Variants in PEX7 observed in about 807,000 individuals in gnomAD.
PEX7 encodes the protein PTS2 receptor.
Under a neutral mutation model 47.5 loss-of-function variants are expected in PEX7, and 34 were observed. That is an observed-to-expected ratio of 0.72 (90% CI 0.54 to 0.95). The LOEUF (loss-of-function observed/expected upper bound fraction) is 0.95, where lower values mean the gene tolerates loss of function less well. Ranked by LOEUF, PEX7 falls within the 40% of genes least tolerant of loss-of-function variation. The probability of loss-of-function intolerance (pLI) is 0.00; values close to 1 mark genes in which losing one functional copy is unlikely to be tolerated. For synonymous variants in PEX7, 141 were observed against 148.8 expected (o/e 0.95, Z 0.38); for missense variants, 394 against 400.3 (o/e 0.98, Z 0.13).
chr6:136,870,471 G>A (rs902300528), intron 7 of PEX7, among the ~76,000 whole-genome samples: 18 of 152,102 alleles, frequency 1.2e-4, no homozygotes, highest in Non-Finnish European at 2.9e-5. Context: ...GAACAGCAGA[G>A]GATGAGGTAA....
intron 8 of PEX7, among the ~76,000 whole-genome samples, chr6:136,874,014 G>A (rs763726362): frequency 2.6e-5 from 4 of 152,096 alleles, no homozygotes; most frequent in Admixed American, 6.6e-5. Context: ...GTTGAATTGT[G>A]TTTGCTAATA....
In PEX7 at chr6:136,913,650, A is replaced by G. The variant is rs112796869; in HGVS notation, c.*124A>G. On this transcript the variant is annotated 3_prime_UTR_variant, in exon 10 of 10. Coordinates refer to ENST00000318471, the MANE Select transcript of PEX7 (RefSeq NM_000288.4). Reference sequence around the variant, plus strand: ...GCTATTCAGATTTCAAATCTTTCCAATTTACCCTGGAATCAGTTTTGAGGG... The same window carrying G: ...GCTATTCAGATTTCAAATCTTTCCAGTTTACCCTGGAATCAGTTTTGAGGG... 395 of 784,932 alleles carry G rather than the reference A, an allele frequency of 5.0e-4. No individual in the cohort carries two copies. Among genetic ancestry groups the G allele is most frequent in the Non-Finnish European group, 7.8e-4 (346 of 445,570 alleles). The allele number at this position is 784,932 out of a possible 1,614,324, so 48.6% of individuals were successfully genotyped here.
intron 3 of PEX7, chr6:136,830,052 G>A: frequency 1.4e-6 from 1 of 715,746 alleles, no homozygotes; most frequent in Non-Finnish European, 2.6e-6. Context: ...CAACTAATGG[G>A]TCATTTTCTT....
chr6:136,868,235 G>T (rs1000974507), intron 6 of PEX7, among the ~76,000 whole-genome samples: 4 of 152,268 alleles, frequency 2.6e-5, no homozygotes, highest in Admixed American at 1.3e-4. Flanking sequence ...AGATGAAATT[G>T]CCTAATGCCA....
intron 9 of PEX7, among the ~76,000 whole-genome samples, chr6:136,906,411 A>G (rs943373918): frequency 6.6e-6 from 1 of 152,188 alleles, no homozygotes; most frequent in Non-Finnish European, 1.5e-5. Context: ...AACATTGAAT[A>G]ACCTATAGAT....
intron 8 of PEX7, among the ~76,000 whole-genome samples, chr6:136,876,273 G>A (rs982037819): frequency 2.0e-5 from 3 of 152,010 alleles, no homozygotes; most frequent in African/African-American, 7.2e-5. Flanking sequence ...TCCTGACCTC[G>A]TGATCCACCC....
Position 136,882,928 on chromosome 6 carries a change from G to A in PEX7, c.803+10675G>A, listed in dbSNP as rs76892001. 3.8e-3 allele frequency among the ~76,000 whole-genome samples: 585 copies of A among 152,172 alleles called. 5 individuals carry two copies. The highest frequency in any genetic ancestry group is 0.013 in the African/African-American group (557 of 41,494). On this transcript the variant is annotated intron_variant, in intron 8 of 9. Coordinates refer to ENST00000318471, the MANE Select transcript of PEX7 (RefSeq NM_000288.4). ...ATTTTAAGGTCTTCACTGTCCCAGC[G>A]TACTCTGTGTTGGAGGTCTTACCCT...
At chr6:136,824,112 C>G (rs75537048) in intron 1 of PEX7, among the ~76,000 whole-genome samples, 8 of 152,314 alleles carry the variant, frequency 5.3e-5, no homozygotes, top group Admixed American at 3.3e-4. Flanking sequence ...TCATTATTAG[C>G]TCTTAGTGCT....
intron 5 of PEX7, among the ~76,000 whole-genome samples, chr6:136,857,470 A>G (rs1247213025): frequency 2.0e-5 from 3 of 152,242 alleles, no homozygotes; most frequent in Non-Finnish European, 4.4e-5. Flanking sequence ...AAGACAACAG[A>G]TGGAGTTCCT....
intron 3 of PEX7, among the ~76,000 whole-genome samples, chr6:136,827,892 A>G (rs959001022): frequency 1.3e-5 from 2 of 151,068 alleles, no homozygotes; most frequent in African/African-American, 4.9e-5. Context: ...GAGTTTCGCT[A>G]TGTTGCCCAG....
At chr6:136,829,976 A>T in intron 3 of PEX7, 1 of 700,868 alleles carries the variant, frequency 1.4e-6, no homozygotes. Context: ...TAATGAACAT[A>T]GCCAATTTCT....
intron 9 of PEX7, among the ~76,000 whole-genome samples, chr6:136,905,286 C>T (rs970693228): frequency 3.3e-5 from 5 of 152,138 alleles, no homozygotes; most frequent in Non-Finnish European, 5.9e-5. Context: ...TTCACTTATC[C>T]ACTGTTTTTA....
chr6:136,901,673 A>G lies in PEX7; in HGVS notation c.903+3432A>G, dbSNP rs571514229. 15 of 152,420 alleles carry G rather than the reference A, an allele frequency of 9.8e-5. 1 individual carries two copies. Among genetic ancestry groups the G allele is most frequent in the African/African-American group, 3.1e-4 (13 of 41,590 alleles). The allele number at this position is 152,420 out of a possible 1,614,324, so 9.4% of individuals were successfully genotyped here. ...CAAGTTGCAAGGCCAGCCCAGATTC[A>G]AAGAGTGGGAAATAGACTGTACCGT... On this transcript the variant is annotated intron_variant, in intron 9 of 9. Transcript: ENST00000318471.
At chr6:136,845,587 C>T (rs758421190) in intron 3 of PEX7, 28 bp from the exon 4 acceptor site, 22 of 1,397,204 alleles carry the variant, frequency 1.6e-5, no homozygotes, top group Non-Finnish European at 1.8e-5. Context: ...TGGTCTTTTG[C>T]TTTCTAAACA....
At chr6:136,880,097 G>C (rs1490202526) in intron 8 of PEX7, among the ~76,000 whole-genome samples, 1 of 151,074 alleles carries the variant, frequency 6.6e-6, no homozygotes, top group African/African-American at 2.4e-5. Flanking sequence ...ATTCAGTTTA[G>C]AATATGTTAC....
At chr6:136,852,052 T>A (rs1774766741) in intron 5 of PEX7, among the ~76,000 whole-genome samples, 1 of 95,260 alleles carries the variant, frequency 1.0e-5, no homozygotes. Flanking sequence ...TTGCTTTTGG[T>A]GTTTTGGGCA....
At chr6:136,876,142 A>G (rs1775268586) in intron 8 of PEX7, among the ~76,000 whole-genome samples, 1 of 151,472 alleles carries the variant, frequency 6.6e-6, no homozygotes, top group African/African-American at 2.4e-5. Flanking sequence ...GGTTCACACC[A>G]TTCTCCTGCC....
At chr6:136,889,743 C>T (rs998689677) in intron 8 of PEX7, among the ~76,000 whole-genome samples, 1 of 152,094 alleles carries the variant, frequency 6.6e-6, no homozygotes, top group Non-Finnish European at 1.5e-5. Flanking sequence ...AATAAATGAG[C>T]TCCATGAGCA....
intron 8 of PEX7, among the ~76,000 whole-genome samples, chr6:136,880,587 T>C (rs1046873136): frequency 3.3e-5 from 5 of 152,172 alleles, no homozygotes; most frequent in African/African-American, 1.2e-4. Context: ...TAATTTGAAG[T>C]TTGGATGTGT....
Sources: gnomAD v4.1 joint callset for allele counts (sites outside exome capture counted in the v4.1 genomes callset) on GRCh38, gnomAD v4.1.1 for gene constraint, MANE v1.5 for transcripts, NCBI Gene and HGNC (gene_info 2026-07-23, HGNC 2026-07-21) for gene names.